OLFM2: variants seen among roughly 807,000 people sequenced by gnomAD.
The protein encoded by OLFM2 is noelin-2.
Under a neutral mutation model 43.9 loss-of-function variants are expected in OLFM2, and 20 were observed. The ratio of observed to expected loss-of-function variants is 0.46; its 90% CI spans 0.32 to 0.66. The LOEUF (loss-of-function observed/expected upper bound fraction) is 0.66. Ranked by LOEUF, OLFM2 falls within the 30% of genes least tolerant of loss-of-function variation. The pLI is 0.04. For missense variants in OLFM2, 416 were observed against 643.6 expected, an observed-to-expected ratio of 0.65 and a Z score of 3.83; for synonymous variants, 268 against 278.6, an observed-to-expected ratio of 0.96 and a Z score of 0.38.
intron 1 of OLFM2, among the ~76,000 whole-genome samples, chr19:9,865,821 A>C (rs1329925333): frequency 9.7e-5 from 14 of 143,770 alleles, no homozygotes; most frequent in African/African-American, 3.6e-4. Flanking sequence ...CATTCTTAAA[A>C]AAAAAAAAAA....
chr19:9,859,585 G>A (rs894320289), intron 2 of OLFM2, among the ~76,000 whole-genome samples: 2 of 152,156 alleles, frequency 1.3e-5, no homozygotes, highest in African/African-American at 4.8e-5. Flanking sequence ...GAGCTACCAC[G>A]CCCGGCCCAG....
chr19:9,930,272 T>TA (rs1328282091), intron 1 of OLFM2, among the ~76,000 whole-genome samples: 2 of 152,236 alleles, frequency 1.3e-5, no homozygotes, highest in Non-Finnish European at 2.9e-5. Flanking sequence ...CATATTTATT[T>TA]AAAAATTTGT....
At chr19:9,930,153 AACATGCAC>A (rs576001479) in intron 1 of OLFM2, among the ~76,000 whole-genome samples, 50 of 152,330 alleles carry the variant, frequency 3.3e-4, no homozygotes, top group African/African-American at 1.0e-3. Context: ...ATGGTCCCTG[AACATGCAC>A]ACAGTCACCA....
In OLFM2 at chr19:9,856,906, C is replaced by G. The variant is rs1189311984; in HGVS notation, c.588G>C (p.Gly196=). ...LHACAQKLGC[G]KLTGVSNPIT... ...TGGGGTTACTGACCCCGGTCAGCTT[C>G]CCACAGCCTGGGAGGCAGGAACAGG... is the stretch of plus-strand genomic sequence containing the variant. The change falls in exon 5 of 6, where the codon GGG becomes GGC. Residue 196 remains glycine (G), a synonymous_variant. Transcript: ENST00000264833. This position sits in a 1 kb window ranked among gnomAD's most constrained non-coding sequence, Gnocchi z 4.0. 6.2e-7 allele frequency: 1 copy of G among 1,608,194 alleles called. No homozygotes were observed.
intron 1 of OLFM2, among the ~76,000 whole-genome samples, chr19:9,932,363 G>A (rs555692766): frequency 4.0e-5 from 6 of 151,134 alleles, no homozygotes; most frequent in African/African-American, 1.2e-4. Context: ...GCTGAGGCAC[G>A]AGAATCACTT....
chr19:9,906,653 T>A (rs931231100), intron 1 of OLFM2, among the ~76,000 whole-genome samples: 1 of 151,960 alleles, frequency 6.6e-6, no homozygotes, highest in Non-Finnish European at 1.5e-5. Context: ...GACTCTGAAA[T>A]GCAGGAAGAG....
intron 1 of OLFM2, among the ~76,000 whole-genome samples, chr19:9,907,583 G>A (rs535545900): frequency 2.6e-5 from 4 of 152,138 alleles, no homozygotes; most frequent in African/African-American, 4.8e-5. Context: ...AGCCTCTGCC[G>A]TCCAAGAATT....
intron 1 of OLFM2, among the ~76,000 whole-genome samples, chr19:9,867,527 C>T (rs2046411984): frequency 6.6e-6 from 1 of 152,120 alleles, no homozygotes; most frequent in South Asian, 2.1e-4. Flanking sequence ...TAAAATGAAG[C>T]TATTATTGTG....
At chr19:9,881,605 G>A (rs2046540347) in intron 1 of OLFM2, among the ~76,000 whole-genome samples, 1 of 151,944 alleles carries the variant, frequency 6.6e-6, no homozygotes. Context: ...GATCCTCTCA[G>A]CTCAGCCTCC....
intron 1 of OLFM2, among the ~76,000 whole-genome samples, chr19:9,890,894 C>T (rs1169417974): frequency 6.6e-6 from 1 of 151,788 alleles, no homozygotes; most frequent in African/African-American, 2.4e-5. Context: ...TTGGAGGCTG[C>T]AGTGAGCTGT....
At chr19:9,900,648 C>G (rs894205033) in intron 1 of OLFM2, among the ~76,000 whole-genome samples, 8 of 151,484 alleles carry the variant, frequency 5.3e-5, no homozygotes, top group African/African-American at 1.9e-4. Flanking sequence ...TGAAGCGCTT[C>G]GGGTGGCTGA....
intron 1 of OLFM2, 47 bp downstream of exon 1, chr19:9,936,257 C>A (rs1046109446): frequency 9.2e-6 from 14 of 1,523,944 alleles, no homozygotes; most frequent in African/African-American, 1.4e-5. Context: ...GCGCCCCCCT[C>A]CTCTCCCGGA....
At chr19:9,902,287 CA>C in intron 1 of OLFM2, among the ~76,000 whole-genome samples, 1 of 152,180 alleles carries the variant, frequency 6.6e-6, no homozygotes, top group South Asian at 2.1e-4. Flanking sequence ...CTCAGCCTCC[CA>C]AAATGCTGGG....
Position 9,854,843 on chromosome 19 carries a change from A to G in OLFM2, c.708T>C (p.Tyr236=). 1 of 1,596,384 alleles carries G rather than the reference A, an allele frequency of 6.3e-7. No homozygotes were observed. Among genetic ancestry groups the G allele is most frequent in the Non-Finnish European group, 8.6e-7 (1 of 1,169,422 alleles). ...ACTCCAGGACCCGGCGGCCTTTGTA[A>G]TAGCCATCCATGTACCAGACCTATG... ...ADSRVWYMDG[Y]YKGRRVLEFR... is the part of the protein sequence containing the mutation. The change falls in exon 6 of 6, where the codon TAT becomes TAC. Residue 236 remains tyrosine, a synonymous_variant. Transcript: ENST00000264833. This position sits in a 1 kb window ranked among gnomAD's most constrained non-coding sequence, Gnocchi z 9.5.
intron 1 of OLFM2, among the ~76,000 whole-genome samples, chr19:9,932,016 A>G (rs1218762107): frequency 6.6e-6 from 1 of 152,166 alleles, no homozygotes; most frequent in South Asian, 2.1e-4. Context: ...CATTCAGCAG[A>G]TATTTCTTGA....
intron 1 of OLFM2, among the ~76,000 whole-genome samples, chr19:9,871,764 C>G (rs1030356822): frequency 6.6e-6 from 1 of 152,170 alleles, no homozygotes; most frequent in Non-Finnish European, 1.5e-5. Context: ...CCAGGCCTGC[C>G]TCTACCCTGG....
At chr19:9,890,181 C>T (rs1226374698) in intron 1 of OLFM2, among the ~76,000 whole-genome samples, 1 of 152,154 alleles carries the variant, frequency 6.6e-6, no homozygotes, top group East Asian at 1.9e-4. Context: ...CATCTACCAG[C>T]ACCTATTATT....
rs185687426 is a variant in OLFM2, at chr19:9,888,335, T to C, written c.64-27541A>G. Among the ~76,000 whole-genome samples, 64 of 151,796 alleles carry C rather than the reference T, an allele frequency of 4.2e-4. 1 individual carries two copies. The East Asian group carries it at 0.011, about 26-fold the overall frequency. On this transcript the variant is annotated intron_variant, in intron 1 of 5. Transcript: ENST00000264833. The stretch of plus-strand genomic sequence containing the variant: ...GTCGGGAGTTCGAGACCAGCCTGGC[T>C]AACATGGTGAAACCCCCGTCTCTAC...
intron 1 of OLFM2, among the ~76,000 whole-genome samples, chr19:9,909,710 G>C (rs1314631106): frequency 1.3e-5 from 2 of 152,058 alleles, no homozygotes; most frequent in East Asian, 3.8e-4. Flanking sequence ...TAAACCTTCC[G>C]ACATCTCCTC....
Sources: allele counts gnomAD v4.1 joint callset (sites outside exome capture counted in the v4.1 genomes callset), GRCh38; gene constraint gnomAD v4.1.1; non-coding constraint Gnocchi (gnomAD v3.1); transcripts MANE v1.5; gene names NCBI Gene and HGNC (gene_info 2026-07-23, HGNC 2026-07-21).